RANBP2: variants seen among roughly 807,000 people sequenced by gnomAD.
RANBP2 encodes the protein E3 SUMO-protein ligase RanBP2.
A neutral mutation model predicts 303.6 loss-of-function variants in RANBP2; 57 were observed. The observed-to-expected ratio is 0.19, with a 90% CI of 0.15 to 0.23. RANBP2 has a LOEUF of 0.23. RANBP2 is among the 10% of genes least tolerant of loss of function. RANBP2 has a pLI of 1.00. For missense variants in RANBP2, 3,138 were observed against 3,780.8 expected, an observed-to-expected ratio of 0.83 and a Z score of 4.46; for synonymous variants, 1,167 against 1,301.5, an observed-to-expected ratio of 0.90 and a Z score of 2.23.
the RANBP2 span, among the ~76,000 whole-genome samples, chr2:109,684,877 T>A: frequency 6.7e-6 from 1 of 150,244 alleles, no homozygotes; most frequent in South Asian, 2.1e-4. Context: ...AATTAATTAA[T>A]TAATTAATTT....
chr2:109,504,899 G>A, the RANBP2 span, among the ~76,000 whole-genome samples: 15 of 152,234 alleles, frequency 9.9e-5, no homozygotes, highest in Non-Finnish European at 2.1e-4. Flanking sequence ...CCAAGCCACA[G>A]AAGCCAGCGG....
chr2:109,454,627 A>G, the RANBP2 span, among the ~76,000 whole-genome samples: 242 of 152,246 alleles, frequency 1.6e-3, 2 homozygotes, highest in African/African-American at 5.6e-3. Flanking sequence ...CAAATGATCA[A>G]TCCAGTGGAT....
the RANBP2 span, among the ~76,000 whole-genome samples, chr2:109,249,396 A>G: frequency 6.6e-6 from 1 of 152,146 alleles, no homozygotes; most frequent in Non-Finnish European, 1.5e-5. Context: ...ACCAAAGCTC[A>G]GAGGATCTGG....
the RANBP2 span, among the ~76,000 whole-genome samples, chr2:109,180,983 T>C: frequency 4.6e-5 from 7 of 152,188 alleles, no homozygotes; most frequent in East Asian, 1.3e-3. Flanking sequence ...CTTCCTCAGA[T>C]TGATAACATT....
intron 23 of RANBP2, among the ~76,000 whole-genome samples, chr2:108,774,264 A>G (rs1677717798): frequency 6.6e-6 from 1 of 152,166 alleles, no homozygotes; most frequent in Non-Finnish European, 1.5e-5. Context: ...TTATCAGGAT[A>G]CTAGTAGTTT....
the RANBP2 span, among the ~76,000 whole-genome samples, chr2:109,429,403 G>A: frequency 1.3e-5 from 2 of 152,172 alleles, no homozygotes; most frequent in African/African-American, 2.4e-5. Context: ...CCTAGAGGCC[G>A]AACTTAAAAT....
chr2:109,056,153 T>A, the RANBP2 span, among the ~76,000 whole-genome samples: 1 of 151,798 alleles, frequency 6.6e-6, no homozygotes, highest in African/African-American at 2.4e-5. Context: ...TTCTATTCTG[T>A]TTTTAGGGGG....
chr2:109,129,451 CCCCAG>C, the RANBP2 span: 1 of 1,493,546 alleles, frequency 6.7e-7, no homozygotes, highest in South Asian at 1.2e-5. Context: ...GAGCCCGGCT[CCCCAG>C]TCCTGATGCT....
At chr2:109,634,537 A>G in the RANBP2 span, among the ~76,000 whole-genome samples, 1 of 152,206 alleles carries the variant, frequency 6.6e-6, no homozygotes, top group Non-Finnish European at 1.5e-5. Flanking sequence ...CAAAATAAAG[A>G]TATCTTTCAA....
the RANBP2 span, among the ~76,000 whole-genome samples, chr2:109,566,998 C>T: frequency 6.6e-6 from 1 of 152,028 alleles, no homozygotes; most frequent in African/African-American, 2.4e-5. Context: ...ATTAAGATCA[C>T]CTCATTTACA....
chr2:108,908,136 G>T, the RANBP2 span: 2 of 1,202,634 alleles, frequency 1.7e-6, no homozygotes, highest in Non-Finnish European at 2.3e-6. Context: ...GCAATGACTT[G>T]TTTTTCAGGT....
the RANBP2 span, chr2:109,491,012 A>AG: frequency 7.5e-7 from 1 of 1,330,410 alleles, no homozygotes; most frequent in African/African-American, 1.5e-5. Flanking sequence ...TTCGGGGAGC[A>AG]GGGACACTGT....
chr2:109,457,686 T>C, the RANBP2 span, among the ~76,000 whole-genome samples: 1 of 152,264 alleles, frequency 6.6e-6, no homozygotes, highest in Admixed American at 6.5e-5. Flanking sequence ...TGCAAAATTC[T>C]ACTGCTGTGA....
At chr2:109,743,371 T>C in the RANBP2 span, among the ~76,000 whole-genome samples, 2 of 148,670 alleles carry the variant, frequency 1.3e-5, no homozygotes, top group Non-Finnish European at 3.0e-5. Context: ...GATAAAACTT[T>C]AAAAATATAA....
the RANBP2 span, among the ~76,000 whole-genome samples, chr2:108,911,251 G>T: frequency 6.6e-6 from 1 of 152,068 alleles, no homozygotes; most frequent in East Asian, 1.9e-4. Flanking sequence ...TTGGCTGCCA[G>T]ACCAGGACTG....
chr2:109,251,769 A>G, the RANBP2 span: 8 of 551,630 alleles, frequency 1.5e-5, no homozygotes. Flanking sequence ...AACTTTTGTA[A>G]TAGTCAAAAA....
At chr2:109,433,002 A>G in the RANBP2 span, among the ~76,000 whole-genome samples, 1 of 152,244 alleles carries the variant, frequency 6.6e-6, no homozygotes, top group Non-Finnish European at 1.5e-5. Context: ...ACATATATAC[A>G]GTGTGTTCAG....
chr2:108,973,517 A>G, the RANBP2 span, among the ~76,000 whole-genome samples: 1 of 152,238 alleles, frequency 6.6e-6, no homozygotes, highest in Non-Finnish European at 1.5e-5. Flanking sequence ...GAACCCTGGC[A>G]GAATCTTTCT....
the RANBP2 span, among the ~76,000 whole-genome samples, chr2:109,258,092 G>A: frequency 6.6e-6 from 1 of 152,204 alleles, no homozygotes; most frequent in Non-Finnish European, 1.5e-5. Flanking sequence ...CAGACTTTCT[G>A]ATCTGGAGCT....
Sources: allele counts gnomAD v4.1 joint callset (sites outside exome capture counted in the v4.1 genomes callset), GRCh38; gene constraint gnomAD v4.1.1; transcripts MANE v1.5; gene names NCBI Gene and HGNC (gene_info 2026-07-23, HGNC 2026-07-21).